The following RMND1 variants were observed in gnomAD, a reference collection of about 807,000 sequenced individuals.
RMND1 encodes required for meiotic nuclear division protein 1 homolog.
In RMND1, 41 loss-of-function variants were observed where a neutral mutation model predicts 54.0. That is an observed-to-expected ratio of 0.76 (90% confidence interval 0.59 to 0.98). RMND1 has a LOEUF of 0.98. RMND1 is among the 50% of genes least tolerant of loss of function. The pLI, the probability that RMND1 is intolerant of heterozygous loss-of-function variation, is 0.00. For missense variants in RMND1, 457 were observed against 532.0 expected (o/e 0.86, Z 1.39); for synonymous variants, 183 against 181.7 (o/e 1.01, Z -0.06).
At chr6:151,438,075 G>A (rs191153967) in intron 2 of RMND1, among the ~76,000 whole-genome samples, 2 of 152,244 alleles carry the variant, frequency 1.3e-5, no homozygotes, top group African/African-American at 4.8e-5. Context: ...GGAACACGGG[G>A]ATATACAAAT....
intron 10 of RMND1, among the ~76,000 whole-genome samples, chr6:151,415,462 C>A (rs1692998593): frequency 6.6e-6 from 1 of 151,524 alleles, no homozygotes; most frequent in African/African-American, 2.4e-5. Context: ...AAATGAAATA[C>A]CAAAAAATTG....
chr6:151,414,920 C>T (rs1220175745), intron 10 of RMND1, among the ~76,000 whole-genome samples: 3 of 151,946 alleles, frequency 2.0e-5, no homozygotes, highest in African/African-American at 7.2e-5. Flanking sequence ...AACTGTCTAC[C>T]TAGAATCCTA....
intron 9 of RMND1, among the ~76,000 whole-genome samples, chr6:151,420,058 T>G (rs1439042018): frequency 6.6e-6 from 1 of 152,218 alleles, no homozygotes; most frequent in Non-Finnish European, 1.5e-5. Flanking sequence ...AGCATTTTTA[T>G]TGTACAGGTA....
intron 5 of RMND1, among the ~76,000 whole-genome samples, chr6:151,429,294 G>C (rs556158937): frequency 6.6e-6 from 1 of 151,990 alleles, no homozygotes; most frequent in East Asian, 1.9e-4. Context: ...GCTAATTTTT[G>C]TATTTTTAGT....
intron 1 of RMND1, among the ~76,000 whole-genome samples, 168 bp downstream of exon 1, chr6:151,451,848 A>G (rs1024636798): frequency 5.9e-5 from 9 of 152,144 alleles, no homozygotes; most frequent in Non-Finnish European, 1.2e-4. Context: ...TCATTAATTG[A>G]GTGCTTTTTA....
At chr6:151,451,884 A>T (rs1168943327) in intron 1 of RMND1, 132 bp downstream of exon 1, 1 of 152,296 alleles carries the variant, frequency 6.6e-6, no homozygotes, top group Non-Finnish European at 1.5e-5. Context: ...ACCAAAGATC[A>T]CGGTAAGAGG....
chr6:151,450,454 G>GT (rs1781120991), intron 1 of RMND1, among the ~76,000 whole-genome samples: 1 of 54,582 alleles, frequency 1.8e-5, no homozygotes, highest in Non-Finnish European at 3.1e-5. Context: ...GGGAGGTGGG[G>GT]GGGCCAGCCC....
At chr6:151,416,422 T>C (rs1434471491) in intron 10 of RMND1, among the ~76,000 whole-genome samples, 2 of 21,362 alleles carry the variant, frequency 9.4e-5, no homozygotes, top group Non-Finnish European at 1.2e-4. Flanking sequence ...CACTACAGCT[T>C]TTTTTTTTTT....
intron 2 of RMND1, among the ~76,000 whole-genome samples, chr6:151,441,813 A>G (rs1780784156): frequency 1.3e-5 from 2 of 152,180 alleles, no homozygotes; most frequent in East Asian, 1.9e-4. Context: ...TTATATAAAA[A>G]ACCCAGTAAA....
At chr6:151,433,302 C>A in intron 3 of RMND1, 72 bp from the exon 4 acceptor site, 2 of 922,258 alleles carry the variant, frequency 2.2e-6, no homozygotes, top group Non-Finnish European at 3.5e-6. Context: ...CCTATAAACA[C>A]TGTAATAAAG....
At chr6:151,431,937 C>CA (rs1554345274) in intron 4 of RMND1, among the ~76,000 whole-genome samples, 1 of 143,768 alleles carries the variant, frequency 7.0e-6, no homozygotes, top group Non-Finnish European at 1.5e-5. Flanking sequence ...TTCTTTCTTT[C>CA]TTTTTTTTTT....
In RMND1 at chr6:151,445,428, T is replaced by G. The variant is rs1404284149; in HGVS notation, c.384A>C (p.Ser128=). 1 of 1,614,080 alleles carries G rather than the reference T, an allele frequency of 6.2e-7. No individual in the cohort carries two copies. Among genetic ancestry groups the G allele is most frequent in the Admixed American group, 1.7e-5 (1 of 60,008 alleles). ...GAACAAATGTTTCCGTTGATACAGA[T>G]GAGAAATGCCTCTTTAATATTTTTA... ...WFIKILKRHF[S]SVSTETFVPK... Residue 128 remains serine (S), a synonymous_variant, in exon 2 of 12, where the codon TCA becomes TCC. Coordinates refer to ENST00000444024, the MANE Select transcript of RMND1 (RefSeq NM_017909.4).
At chr6:151,450,330 C>T (rs878971289) in intron 1 of RMND1, among the ~76,000 whole-genome samples, 17 of 150,776 alleles carry the variant, frequency 1.1e-4, no homozygotes, top group East Asian at 2.0e-4. Flanking sequence ...ACCCTCCGCC[C>T]GGCAGCCACC....
At chr6:151,422,631 A>G in intron 7 of RMND1, 26 bp from the exon 8 acceptor site, 1 of 1,212,488 alleles carries the variant, frequency 8.2e-7, no homozygotes, top group Non-Finnish European at 1.2e-6. Flanking sequence ...ATAATGGAAC[A>G]TTTCTTTATC....
intron 1 of RMND1, among the ~76,000 whole-genome samples, chr6:151,450,851 A>G (rs972466942): frequency 6.7e-4 from 102 of 152,212 alleles, no homozygotes; most frequent in Admixed American, 8.5e-4. Flanking sequence ...ATTTTGTTCC[A>G]TACTAAGAAA....
intron 11 of RMND1, 43 bp from the exon 12 acceptor site, chr6:151,405,310 T>C (rs768429237): frequency 1.3e-5 from 20 of 1,554,526 alleles, no homozygotes; most frequent in African/African-American, 2.7e-5. Context: ...GGGCAAATTA[T>C]GGGTACAAAC....
rs1423508473 is a variant in RMND1, at chr6:151,445,489, G to A, written c.323C>T (p.Thr108Ile). ...AGAACCCAACAGATTTGGTTTGTGG[G>A]TCACTCTCCTGTGAGTACCAAAGGA... Reference protein sequence around the residue: ...MKSFGTHRRVTHKPNLLGSKW... With the variant: ...MKSFGTHRRVIHKPNLLGSKW... The change falls in exon 2 of 12, where the codon ACC (threonine) becomes ATC (isoleucine). Residue 108 changes from threonine to isoleucine, a missense_variant. Transcript: ENST00000444024. 4.3e-6 allele frequency: 7 copies of A among 1,614,184 alleles called. No individual in the cohort carries two copies. Among genetic ancestry groups the A allele is most frequent in the Non-Finnish European group, 5.9e-6 (7 of 1,180,026 alleles).
At chr6:151,434,153 G>A (rs1359830239) in intron 3 of RMND1, among the ~76,000 whole-genome samples, 2 of 152,052 alleles carry the variant, frequency 1.3e-5, no homozygotes, top group Non-Finnish European at 2.9e-5. Context: ...CCTAAGTATT[G>A]TTAAAACATA....
intron 6 of RMND1, among the ~76,000 whole-genome samples, chr6:151,424,874 G>T (rs769217147): frequency 2.0e-5 from 3 of 147,694 alleles, no homozygotes; most frequent in Non-Finnish European, 4.5e-5. Flanking sequence ...GGGGGACAAG[G>T]GGCCTGATGG....
Sources: allele counts gnomAD v4.1 joint callset (sites outside exome capture counted in the v4.1 genomes callset), GRCh38; gene constraint gnomAD v4.1.1; transcripts MANE v1.5; gene names NCBI Gene and HGNC (gene_info 2026-07-23, HGNC 2026-07-21).